NPLOC4: variants seen among roughly 807,000 people sequenced by gnomAD.
NPLOC4 encodes the protein NPL4 homolog, ubiquitin recognition factor.
Under a neutral mutation model 80.6 loss-of-function variants are expected in NPLOC4, and 18 were observed. The ratio of observed to expected loss-of-function variants is 0.22; its 90% CI spans 0.15 to 0.33. The LOEUF (loss-of-function observed/expected upper bound fraction) is 0.33. Among genes scored for constraint, NPLOC4 ranks in the 10% least tolerant of loss-of-function variants. The pLI is 1.00. For missense variants in NPLOC4, 540 were observed against 786.1 expected (o/e 0.69, Z 3.74); for synonymous variants, 313 against 301.5 (o/e 1.04, Z -0.39).
At chr17:81,615,202 C>T (rs1392736608) in intron 3 of NPLOC4, among the ~76,000 whole-genome samples, 4 of 148,858 alleles carry the variant, frequency 2.7e-5, no homozygotes, top group Admixed American at 2.1e-4. Context: ...CGGGTTTAAG[C>T]GATTCTCCTG....
At chr17:81,582,484 C>T (rs1194566516) in intron 12 of NPLOC4, among the ~76,000 whole-genome samples, 1 of 152,176 alleles carries the variant, frequency 6.6e-6, no homozygotes, top group Non-Finnish European at 1.5e-5. Context: ...TCACTGCAGC[C>T]GTGAACTCCT....
intron 2 of NPLOC4, among the ~76,000 whole-genome samples, chr17:81,628,889 T>TC (rs908020631): frequency 6.6e-6 from 1 of 151,518 alleles, no homozygotes; most frequent in Non-Finnish European, 1.5e-5. Context: ...TCATACTTTT[T>TC]TTTTTTTTTG....
intron 1 of NPLOC4, among the ~76,000 whole-genome samples, chr17:81,633,947 A>G (rs2035999731): frequency 6.6e-6 from 1 of 151,106 alleles, no homozygotes; most frequent in African/African-American, 2.4e-5. Flanking sequence ...GCTCACTGCA[A>G]TCTCCGCCTC....
At chr17:81,622,133 C>G (rs745452863) in intron 3 of NPLOC4, 33 bp downstream of exon 3, 1 of 1,510,342 alleles carries the variant, frequency 6.6e-7, no homozygotes, top group South Asian at 1.1e-5. Flanking sequence ...TCATTTCCCC[C>G]CATTCCCTGC....
intron 3 of NPLOC4, among the ~76,000 whole-genome samples, chr17:81,616,883 G>A (rs2035508182): frequency 6.6e-6 from 1 of 152,206 alleles, no homozygotes; most frequent in Non-Finnish European, 1.5e-5. Context: ...TGGAATGGAA[G>A]AAGAGGGTGA....
chr17:81,608,932 A>C, intron 5 of NPLOC4, 110 bp from the exon 6 acceptor site: 1 of 744,574 alleles, frequency 1.3e-6, no homozygotes. Flanking sequence ...TGGCAAGTCA[A>C]GGCCCACAGT....
At chr17:81,563,965 C>T (rs1003359097) in intron 16 of NPLOC4, 2 of 453,440 alleles carry the variant, frequency 4.4e-6, no homozygotes, top group African/African-American at 4.0e-5. Flanking sequence ...TCTGTAATCC[C>T]AGCTACTCGG....
At chr17:81,626,046 G>A (rs1340313189) in intron 2 of NPLOC4, among the ~76,000 whole-genome samples, 2 of 152,024 alleles carry the variant, frequency 1.3e-5, no homozygotes, top group South Asian at 4.2e-4. Flanking sequence ...CTACTCAGGA[G>A]GCTGAAACAG....
intron 11 of NPLOC4, among the ~76,000 whole-genome samples, chr17:81,594,117 C>CA (rs1294961344): frequency 2.7e-5 from 4 of 150,118 alleles, no homozygotes; most frequent in Non-Finnish European, 5.9e-5. Context: ...ACTAAAAATA[C>CA]AAAAAAAATT....
chr17:81,596,283 T>C, intron 10 of NPLOC4, 41 bp from the exon 11 acceptor site: 1 of 1,584,448 alleles, frequency 6.3e-7, no homozygotes, highest in Non-Finnish European at 8.6e-7. Flanking sequence ...TACAGCATCA[T>C]GCCAAAATAT....
intron 9 of NPLOC4, among the ~76,000 whole-genome samples, chr17:81,598,321 C>T (rs2034975510): frequency 6.6e-6 from 1 of 152,120 alleles, no homozygotes; most frequent in Non-Finnish European, 1.5e-5. Context: ...TGAGTTTCCT[C>T]AGCACCAGCT....
chr17:81,578,408 G>A (rs2034356825), intron 12 of NPLOC4, among the ~76,000 whole-genome samples: 1 of 152,192 alleles, frequency 6.6e-6, no homozygotes, highest in Admixed American at 6.5e-5. Flanking sequence ...CCTGCTCACC[G>A]TGGCGCCCCA....
At chr17:81,565,309 T>A (rs776608255) in intron 16 of NPLOC4, 196 bp downstream of exon 16, 2 of 703,282 alleles carry the variant, frequency 2.8e-6, no homozygotes, top group Non-Finnish European at 5.2e-6. Context: ...CTGGACAACA[T>A]GTCTGCTCCA....
Position 81,559,080 on chromosome 17 carries a change from G to A in NPLOC4, c.*179C>T, listed in dbSNP as rs527992687. 4.8e-4 allele frequency: 312 copies of A among 656,108 alleles called. No individual in the cohort carries two copies. Among genetic ancestry groups the A allele is most frequent in the Middle Eastern group, 1.3e-3 (3 of 2,348 alleles). The allele number at this position is 656,108 out of a possible 1,614,324, so 40.6% of individuals were successfully genotyped here. ...CTGCAGAATACCAGCCGTGGCGCCC[G>A]CTCTCCAGGGAGGAACGTGCTGAGA... On this transcript the variant is annotated 3_prime_UTR_variant, in exon 17 of 17. Coordinates refer to ENST00000331134, the MANE Select transcript of NPLOC4 (RefSeq NM_017921.4).
At chr17:81,586,492 C>T (rs1386401239) in intron 12 of NPLOC4, among the ~76,000 whole-genome samples, 2 of 151,962 alleles carry the variant, frequency 1.3e-5, no homozygotes, top group African/African-American at 2.4e-5. Flanking sequence ...CATCTGTAGT[C>T]CCAACTACTC....
In NPLOC4 at chr17:81,620,142, A is replaced by G. The variant is rs576431706; in HGVS notation, c.209+2024T>C. The stretch of plus-strand genomic sequence containing the variant: ...ACCTGAAGATTACAAGAAGTAAGAC[A>G]TACAAATTTCCTTAAAAAGCAAGAC... On this transcript the variant is annotated intron_variant, in intron 3 of 16. Coordinates refer to ENST00000331134, the MANE Select transcript of NPLOC4 (RefSeq NM_017921.4). 3.9e-4 allele frequency among the ~76,000 whole-genome samples: 59 copies of G among 152,348 alleles called. 1 individual carries two copies. The highest frequency in any genetic ancestry group is 6.8e-3 in the Middle Eastern group (2 of 294).
At chr17:81,625,784 G>A (rs2035780215) in intron 2 of NPLOC4, among the ~76,000 whole-genome samples, 1 of 151,528 alleles carries the variant, frequency 6.6e-6, no homozygotes, top group Non-Finnish European at 1.5e-5. Context: ...TATATAATCT[G>A]AAGGCAGAGA....
intron 3 of NPLOC4, among the ~76,000 whole-genome samples, chr17:81,618,026 G>A (rs1347759870): frequency 1.3e-5 from 2 of 152,164 alleles, no homozygotes; most frequent in African/African-American, 4.8e-5. Flanking sequence ...CCTCCCAGCC[G>A]CCTGCCTTGG....
intron 16 of NPLOC4, 25 bp downstream of exon 16, chr17:81,565,480 C>G (rs746927334): frequency 5.3e-6 from 8 of 1,521,828 alleles, no homozygotes; most frequent in Non-Finnish European, 7.1e-6. Context: ...CACGGGGTGC[C>G]GGGGCAGGGG....
Sources: allele counts gnomAD v4.1 joint callset (sites outside exome capture counted in the v4.1 genomes callset), GRCh38; gene constraint gnomAD v4.1.1; transcripts MANE v1.5; gene names NCBI Gene and HGNC (gene_info 2026-07-23, HGNC 2026-07-21).